TENM4: variants seen among roughly 807,000 people sequenced by gnomAD.
TENM4 encodes teneurin-4.
A neutral mutation model predicts 243.3 loss-of-function variants in TENM4; 82 were observed. The observed-to-expected ratio is 0.34, with a 90% confidence interval of 0.28 to 0.40. TENM4 has a LOEUF of 0.40. TENM4 is among the 10% of genes least tolerant of loss of function. The pLI is 1.00. For missense variants in TENM4, 3,138 were observed against 3,673.3 expected, an observed-to-expected ratio of 0.85 and a Z score of 3.77; for synonymous variants, 1,412 against 1,456.3, an observed-to-expected ratio of 0.97 and a Z score of 0.69.
intron 9 of TENM4, among the ~76,000 whole-genome samples, chr11:78,881,553 A>C (rs900445668): frequency 6.6e-6 from 1 of 152,104 alleles, no homozygotes; most frequent in Non-Finnish European, 1.5e-5. Context: ...ATGGTATCCT[A>C]GAACCATTAG....
rs142980839 is a variant in TENM4, at chr11:79,125,577, G to C, written c.-66+23133C>G. On this transcript the variant is annotated intron_variant, in intron 4 of 33. Transcript: ENST00000278550. ...ACTTGGAATGGGGGGTGTGTGGGAC[G>C]ACCCTGATGAAGCTGGGGATTCTGA... Among the ~76,000 whole-genome samples the C allele has an allele frequency of 3.4e-3, 510 of 152,228 alleles. 3 individuals carry two copies. The highest frequency in any genetic ancestry group is 0.011 in the African/African-American group (476 of 41,542).
At chr11:79,114,425 G>A (rs978640373) in intron 4 of TENM4, among the ~76,000 whole-genome samples, 5 of 152,212 alleles carry the variant, frequency 3.3e-5, no homozygotes, top group African/African-American at 1.2e-4. Flanking sequence ...TCTTCAATAA[G>A]TACGACTTAC....
intron 16 of TENM4, among the ~76,000 whole-genome samples, chr11:78,779,180 C>T (rs1856796088): frequency 6.6e-6 from 1 of 152,208 alleles, no homozygotes; most frequent in Non-Finnish European, 1.5e-5. Context: ...AAATATACTG[C>T]TGGATTATCT....
At chr11:78,776,161 A>C (rs1289608773) in intron 17 of TENM4, among the ~76,000 whole-genome samples, 1 of 152,102 alleles carries the variant, frequency 6.6e-6, no homozygotes, top group Non-Finnish European at 1.5e-5. Context: ...GTCCCCCCTC[A>C]ATTCTCCTTT....
chr11:79,290,946 T>A lies in TENM4; in HGVS notation c.-265+6542A>T, dbSNP rs531431383. ...GTTTGTAAAGGCACAGCTGAGTGAA[T>A]CTGGGAGCCAGGTCCACAGGCAGGC... On this transcript the variant is annotated intron_variant, in intron 2 of 33. Coordinates refer to ENST00000278550, the MANE Select transcript of TENM4 (RefSeq NM_001098816.3). 2.0e-4 allele frequency among the ~76,000 whole-genome samples: 31 copies of A among 152,280 alleles called. No homozygotes were observed. In the South Asian group the frequency reaches 6.2e-3, roughly 31 times the overall value.
chr11:79,318,253 C>T (rs1467240121), intron 1 of TENM4, among the ~76,000 whole-genome samples: 2 of 152,162 alleles, frequency 1.3e-5, no homozygotes, highest in African/African-American at 4.8e-5. Context: ...GGCACCAAGG[C>T]ACTATCCTAA....
At chr11:79,019,641 T>C (rs140430360) in intron 6 of TENM4, among the ~76,000 whole-genome samples, 7 of 152,216 alleles carry the variant, frequency 4.6e-5, no homozygotes, top group African/African-American at 1.7e-4. Context: ...CATCACCCAC[T>C]ATGCACTGTG....
intron 1 of TENM4, among the ~76,000 whole-genome samples, chr11:79,343,007 C>G (rs1278875009): frequency 6.6e-6 from 1 of 152,246 alleles, no homozygotes; most frequent in African/African-American, 2.4e-5. Context: ...TGGACTGACT[C>G]TCCATGGCCT....
chr11:79,298,974 T>C (rs1362804241), intron 1 of TENM4, among the ~76,000 whole-genome samples: 2 of 152,194 alleles, frequency 1.3e-5, no homozygotes, highest in Admixed American at 6.5e-5. Context: ...AGATAGGTTC[T>C]GTAACAACGT....
At chr11:79,159,677 C>T (rs549841294) in intron 3 of TENM4, among the ~76,000 whole-genome samples, 1 of 152,148 alleles carries the variant, frequency 6.6e-6, no homozygotes, top group Admixed American at 6.5e-5. Flanking sequence ...GAGCTCCAGT[C>T]CTGCCCTACA....
chr11:78,918,338 C>T (rs1461112126), intron 6 of TENM4, among the ~76,000 whole-genome samples: 1 of 151,998 alleles, frequency 6.6e-6, no homozygotes, highest in East Asian at 1.9e-4. Context: ...AACTTTATTT[C>T]AATACAAAAG....
At chr11:79,021,102 G>A (rs1052910162) in intron 6 of TENM4, among the ~76,000 whole-genome samples, 2 of 152,152 alleles carry the variant, frequency 1.3e-5, no homozygotes, top group East Asian at 3.9e-4. Flanking sequence ...GGATTTTAAC[G>A]AATTGCCTGA....
chr11:79,226,854 G>A (rs1312154691), intron 2 of TENM4, among the ~76,000 whole-genome samples: 1 of 152,200 alleles, frequency 6.6e-6, no homozygotes, highest in African/African-American at 2.4e-5. Context: ...AAGAGCAAGA[G>A]TTTTCTAGAA....
chr11:78,853,490 C>T (rs940433804), intron 12 of TENM4, among the ~76,000 whole-genome samples: 1 of 152,106 alleles, frequency 6.6e-6, no homozygotes, highest in African/African-American at 2.4e-5. Flanking sequence ...TCTTCCACTG[C>T]GAGGGAGAGT....
chr11:79,303,794 T>C (rs913386596), intron 1 of TENM4, among the ~76,000 whole-genome samples: 13 of 152,216 alleles, frequency 8.5e-5, no homozygotes, highest in African/African-American at 2.9e-4. Context: ...TGATTTATTT[T>C]TATTAATGAT....
chr11:79,367,724 C>T (rs1373026385), intron 1 of TENM4, among the ~76,000 whole-genome samples: 2 of 152,126 alleles, frequency 1.3e-5, no homozygotes, highest in African/African-American at 2.4e-5. Context: ...ATCATTTTGA[C>T]TCAAATTATT....
intron 19 of TENM4, among the ~76,000 whole-genome samples, chr11:78,751,783 C>T (rs1037522674): frequency 1.7e-4 from 26 of 152,148 alleles, no homozygotes; most frequent in African/African-American, 6.3e-4. Context: ...CTCACGTTGC[C>T]CTCCCTTTCC....
In TENM4 at chr11:78,903,396, C is replaced by A; in HGVS notation, c.621G>T (p.Pro207=). Residue 207 remains proline (P), a synonymous_variant, in exon 7 of 34, where the codon CCG becomes CCT. Transcript: ENST00000278550. ...TGGGGGCCGGGCTGGGGTTGCTCCTCGGCGTGAAGTTGCCCCGGTTCAGGG... is the reference window on the plus strand; with the variant it reads ...TGGGGGCCGGGCTGGGGTTGCTCCTAGGCGTGAAGTTGCCCCGGTTCAGGG... ...INSLNRGNFT[P]RSNPSPAPTD... is the part of the protein sequence containing the mutation. 1.3e-6 allele frequency: 2 copies of A among 1,535,618 alleles called. No homozygotes were observed. Among genetic ancestry groups the A allele is most frequent in the Admixed American group, 2.1e-5 (1 of 48,670 alleles).
At chr11:78,766,242 A>G (rs1856537361) in intron 18 of TENM4, among the ~76,000 whole-genome samples, 1 of 152,190 alleles carries the variant, frequency 6.6e-6, no homozygotes, top group Non-Finnish European at 1.5e-5. Context: ...GTTGCCTCTC[A>G]GGGCCTTTCA....
Sources: gnomAD v4.1 joint callset for allele counts (sites outside exome capture counted in the v4.1 genomes callset) on GRCh38, gnomAD v4.1.1 for gene constraint, MANE v1.5 for transcripts, NCBI Gene and HGNC (gene_info 2026-07-23, HGNC 2026-07-21) for gene names.